ST8SIA3: variants seen among roughly 807,000 people sequenced by gnomAD.
ST8SIA3 encodes the protein ST8 alpha-N-acetyl-neuraminide alpha-2,8-sialyltransferase 3.
Under a neutral mutation model 34.5 loss-of-function variants are expected in ST8SIA3, and 17 were observed. That is an observed-to-expected ratio of 0.49 (90% CI 0.34 to 0.74). The LOEUF (loss-of-function observed/expected upper bound fraction) is 0.74. Ranked by LOEUF, ST8SIA3 falls within the 30% of genes least tolerant of loss-of-function variation. The probability of loss-of-function intolerance (pLI) is 0.01; values close to 1 mark genes in which losing one functional copy is unlikely to be tolerated. For synonymous variants in ST8SIA3, 172 were observed against 176.1 expected (o/e 0.98, Z 0.19); for missense variants, 354 against 467.8 (o/e 0.76, Z 2.24).
At chr18:57,358,054 G>C (rs977149520) in intron 3 of ST8SIA3, among the ~76,000 whole-genome samples, 1 of 152,144 alleles carries the variant, frequency 6.6e-6, no homozygotes, top group East Asian at 1.9e-4. Context: ...TTTTCTTCTA[G>C]TCTGGTGATT....
rs764546132 is a variant in ST8SIA3, at chr18:57,360,013, T to C, written c.879T>C (p.His293=). The C allele has an allele frequency of 1.2e-6, 2 of 1,611,846 alleles. No homozygotes were observed. Among genetic ancestry groups the C allele is most frequent in the African/African-American group, 2.7e-5 (2 of 74,990 alleles). The part of the protein sequence containing the change: ...QHVNRYWKNK[H]LSPKRLSTGI... ...TCCACAGGTACTGGAAAAACAAACA[T>C]TTGTCACCTAAACGGCTGAGCACAG... is the stretch of plus-strand genomic sequence containing the variant. Residue 293 remains histidine, a synonymous_variant, in exon 4 of 4, where the codon CAT becomes CAC. Coordinates refer to ENST00000324000, the MANE Select transcript of ST8SIA3 (RefSeq NM_015879.3).
In ST8SIA3 at chr18:57,360,453, C is replaced by A; in HGVS notation, c.*176C>A. ...AAGAGTTTTAGCAGATTTAGCAGGACAGATGCATTGAAGCCACATGGTTTA... is the reference window on the plus strand; with the variant it reads ...AAGAGTTTTAGCAGATTTAGCAGGAAAGATGCATTGAAGCCACATGGTTTA... On this transcript the variant is annotated 3_prime_UTR_variant, in exon 4 of 4. Transcript: ENST00000324000. The A allele has an allele frequency of 1.5e-6, 1 of 654,698 alleles. No homozygotes were observed. Among genetic ancestry groups the A allele is most frequent in the Non-Finnish European group, 2.6e-6 (1 of 390,864 alleles). 40.6% of individuals were successfully genotyped at this position (654,698 alleles called of 1,614,324 possible).
At chr18:57,354,330 G>C in intron 1 of ST8SIA3, 72 bp from the exon 2 acceptor site, 2 of 1,599,024 alleles carry the variant, frequency 1.3e-6, no homozygotes, top group South Asian at 2.2e-5. Flanking sequence ...CCCAGCCGCT[G>C]CACTTTAATG....
At chr18:57,354,184 C>G (rs2049784551) in intron 1 of ST8SIA3, among the ~76,000 whole-genome samples, 1 of 152,208 alleles carries the variant, frequency 6.6e-6, no homozygotes, top group Non-Finnish European at 1.5e-5. Context: ...TCTCCGGCAC[C>G]CGGAGGGATG....
At chr18:57,358,249 A>G (rs1352320105) in intron 3 of ST8SIA3, among the ~76,000 whole-genome samples, 2 of 152,214 alleles carry the variant, frequency 1.3e-5, no homozygotes, top group Admixed American at 6.5e-5. Flanking sequence ...CCACTAGTCC[A>G]GGGCATTTTA....
At position 57,362,288 on chromosome 18, in the gene ST8SIA3, T is replaced by C. The variant is rs370697555; in HGVS notation, c.*2011T>C. 6.6e-6 allele frequency: 1 copy of C among 152,332 alleles called. No individual in the cohort carries two copies. Among genetic ancestry groups the C allele is most frequent in the South Asian group, 2.1e-4 (1 of 4,824 alleles). 9.4% of individuals were successfully genotyped at this position (152,332 alleles called of 1,614,324 possible). On this transcript the variant is annotated 3_prime_UTR_variant, in exon 4 of 4. Coordinates refer to ENST00000324000, the MANE Select transcript of ST8SIA3 (RefSeq NM_015879.3). ...ATTGACAACTGACAGAAGTGTTTAGTTGGCTGTTCCTGAGCACTTAGTTCA... is the reference window on the plus strand; with the variant it reads ...ATTGACAACTGACAGAAGTGTTTAGCTGGCTGTTCCTGAGCACTTAGTTCA...
intron 1 of ST8SIA3, among the ~76,000 whole-genome samples, chr18:57,354,062 G>GGCGGGGCGGCCGCTGTCC (rs1310386234): frequency 6.6e-6 from 1 of 152,254 alleles, no homozygotes; most frequent in Non-Finnish European, 1.5e-5. Context: ...GGGTCAGGCT[G>GGCGGGGCGGCCGCTGTCC]GCGGGGCGGC....
intron 3 of ST8SIA3, among the ~76,000 whole-genome samples, chr18:57,358,918 G>C (rs976865623): frequency 6.6e-6 from 1 of 152,164 alleles, no homozygotes; most frequent in Non-Finnish European, 1.5e-5. Context: ...TCCTTAGACA[G>C]GAATAGTAAA....
In ST8SIA3 at chr18:57,352,727, C is replaced by T; in HGVS notation, c.-120C>T. On this transcript the variant is annotated 5_prime_UTR_variant, in exon 1 of 4. Transcript: ENST00000324000. ...GTCCCCCTCCTCCGCCACACGCGCG[C>T]GCGCTCACACACACACACACACACA... is the stretch of plus-strand genomic sequence containing the variant. 1 of 391,098 alleles carries T rather than the reference C, an allele frequency of 2.6e-6. No homozygotes were observed. The highest frequency in any genetic ancestry group is 2.1e-5 in the South Asian group (1 of 47,542). 24.2% of individuals were successfully genotyped at this position (391,098 alleles called of 1,614,324 possible). A position where few individuals can be genotyped will look rare whatever the true frequency, so the allele number is the denominator to read the frequency against.
rs1221210185 is a variant in ST8SIA3 at position 57,360,014 on chromosome 18, T to C, written c.880T>C (p.Leu294=). The change falls in exon 4 of 4, where the codon TTG becomes CTG. Residue 294 remains leucine (L), a synonymous_variant. Transcript: ENST00000324000. ...CCACAGGTACTGGAAAAACAAACAT[T>C]TGTCACCTAAACGGCTGAGCACAGG... The part of the protein sequence containing the change: ...HVNRYWKNKH[L]SPKRLSTGIL... 6.2e-7 allele frequency: 1 copy of C among 1,611,784 alleles called. No individual in the cohort carries two copies. Among genetic ancestry groups the C allele is most frequent in the Non-Finnish European group, 8.5e-7 (1 of 1,178,012 alleles).
chr18:57,360,599 A>G lies in ST8SIA3; in HGVS notation c.*322A>G, dbSNP rs887999319. 3.2e-5 allele frequency: 9 copies of G among 281,982 alleles called. No homozygotes were observed. In the East Asian group the frequency reaches 6.2e-4, roughly 20 times the overall value. The allele number at this position is 281,982 out of a possible 1,614,324, so 17.5% of individuals were successfully genotyped here. On this transcript the variant is annotated 3_prime_UTR_variant, in exon 4 of 4. Coordinates refer to ENST00000324000, the MANE Select transcript of ST8SIA3 (RefSeq NM_015879.3). ...TCTCATTTTTATGAGGACTAGAGCT[A>G]TAGTTTCTGCAGCTCTGCTCAGATA...
chr18:57,356,822 T>G (rs1568101241), intron 2 of ST8SIA3, 91 bp from the exon 3 acceptor site: 4 of 844,156 alleles, frequency 4.7e-6, no homozygotes, highest in South Asian at 1.8e-5. Context: ...GAGCCTAAGA[T>G]TCCCTCTGAA....
In ST8SIA3 at chr18:57,352,724, G is replaced by A. The variant is rs775050245; in HGVS notation, c.-123G>A. On this transcript the variant is annotated 5_prime_UTR_variant, in exon 1 of 4. Coordinates refer to ENST00000324000, the MANE Select transcript of ST8SIA3 (RefSeq NM_015879.3). ...CGGGTCCCCCTCCTCCGCCACACGC[G>A]CGCGCGCTCACACACACACACACAC... The A allele has an allele frequency of 8.9e-6, 2 of 225,562 alleles. No individual in the cohort carries two copies. Among genetic ancestry groups the A allele is most frequent in the East Asian group, 2.4e-4 (1 of 4,180 alleles). The allele number at this position is 225,562 out of a possible 1,614,324, so 14.0% of individuals were successfully genotyped here.
rs528297001 is a variant in ST8SIA3, at chr18:57,366,841, G to C, written c.*6564G>C. 6.6e-6 allele frequency: 1 copy of C among 152,358 alleles called. No homozygotes were observed. The highest frequency in any genetic ancestry group is 1.9e-4 in the East Asian group (1 of 5,186). The allele number at this position is 152,358 out of a possible 1,614,324, so 9.4% of individuals were successfully genotyped here. A position where few individuals can be genotyped will look rare whatever the true frequency, so the allele number is the denominator to read the frequency against. ...TAGGATAAGGTGTCATGTGATGTAA[G>C]GCTGGACCATGAAAAACAAAAATCT... On this transcript the variant is annotated 3_prime_UTR_variant, in exon 4 of 4. Transcript: ENST00000324000.
chr18:57,357,753 C>T (rs1419878710), intron 3 of ST8SIA3, among the ~76,000 whole-genome samples: 3 of 152,178 alleles, frequency 2.0e-5, no homozygotes, highest in African/African-American at 7.2e-5. Flanking sequence ...GGCTATGGAG[C>T]AGTCATGGAA....
chr18:57,352,869 G>C lies in ST8SIA3; in HGVS notation c.23G>C (p.Arg8Pro), dbSNP rs778352785. ...GGGATGAGAAACTGCAAAATGGCCC[G>C]GGTCGCCAGTGTGCTGGGGCTGGTC... is the stretch of plus-strand genomic sequence containing the variant. MRNCKMA[R>P]VASVLGLVML... The change falls in exon 1 of 4, where the codon CGG becomes CCG. Residue 8 changes from arginine (R) to proline (P), a missense_variant. Arg to Pro is a moderately radical substitution (Grantham distance 103). Transcript: ENST00000324000. The C allele has an allele frequency of 6.2e-7, 1 of 1,613,474 alleles. No homozygotes were observed. The highest frequency in any genetic ancestry group is 8.5e-7 in the Non-Finnish European group (1 of 1,179,960).
Position 57,354,397 on chromosome 18 carries a change from T to G in ST8SIA3, c.180-5T>G. 6.2e-7 allele frequency: 1 copy of G among 1,613,996 alleles called. No individual in the cohort carries two copies. The highest frequency in any genetic ancestry group is 8.5e-7 in the Non-Finnish European group (1 of 1,179,902). ...ACGCTTGTCTGTGCTCATGCTCCTC[T>G]CCAGGTCACAATTTGCGCTGAAGTT... On this transcript the variant is annotated splice_region_variant and splice_polypyrimidine_tract_variant and intron_variant, in intron 1 of 3. Coordinates refer to ENST00000324000, the MANE Select transcript of ST8SIA3 (RefSeq NM_015879.3).
Position 57,362,805 on chromosome 18 carries a change from C to T in ST8SIA3, c.*2528C>T, listed in dbSNP as rs536738914. ...GAATAGCAGCTTCTAGCTGACCATG[C>T]AAAATCTCTGTTTGTTTTTAAAGAC... On this transcript the variant is annotated 3_prime_UTR_variant, in exon 4 of 4. Transcript: ENST00000324000. The T allele has an allele frequency of 8.5e-5, 13 of 152,196 alleles. No individual in the cohort carries two copies. The highest frequency in any genetic ancestry group is 1.8e-4 in the Non-Finnish European group (12 of 68,028). The allele number at this position is 152,196 out of a possible 1,614,324, so 9.4% of individuals were successfully genotyped here. A position where few individuals can be genotyped will look rare whatever the true frequency, so the allele number is the denominator to read the frequency against.
intron 2 of ST8SIA3, among the ~76,000 whole-genome samples, chr18:57,356,031 C>G (rs1475038438): frequency 6.6e-6 from 1 of 152,158 alleles, no homozygotes; most frequent in Admixed American, 6.5e-5. Context: ...AAGAAATTCA[C>G]TGGGTTTACT....
Sources: gnomAD v4.1 joint callset for allele counts (sites outside exome capture counted in the v4.1 genomes callset) on GRCh38, gnomAD v4.1.1 for gene constraint, MANE v1.5 for transcripts, NCBI Gene and HGNC (gene_info 2026-07-23, HGNC 2026-07-21) for gene names.